The following PPARGC1A variants were observed in gnomAD, a reference collection of about 807,000 sequenced individuals.
PPARGC1A encodes peroxisome proliferator-activated receptor gamma coactivator 1-alpha.
In PPARGC1A, 25 loss-of-function variants were observed where a neutral mutation model predicts 88.7. The ratio of observed to expected loss-of-function variants is 0.28; its 90% CI spans 0.21 to 0.39. The LOEUF is 0.39. Among genes scored for constraint, PPARGC1A ranks in the 10% least tolerant of loss-of-function variants. PPARGC1A has a pLI of 1.00. For missense variants in PPARGC1A, 880 were observed against 968.7 expected (o/e 0.91, Z 1.22); for synonymous variants, 363 against 355.6 (o/e 1.02, Z -0.24).
chr4:24,133,186 C>A, the PPARGC1A span, among the ~76,000 whole-genome samples: 1 of 152,088 alleles, frequency 6.6e-6, no homozygotes, highest in Non-Finnish European at 1.5e-5. Context: ...GGTTTCCCCC[C>A]TGGGGGGTGG....
At chr4:24,471,756 G>T in the PPARGC1A span, among the ~76,000 whole-genome samples, 1 of 152,238 alleles carries the variant, frequency 6.6e-6, no homozygotes, top group African/African-American at 2.4e-5. The surrounding 1 kb of genome is among the most constrained non-coding windows in gnomAD (Gnocchi z 5.4). Context: ...AAAGTTAAGT[G>T]TGTTTGTGGG....
At chr4:23,932,373 A>G in the PPARGC1A span, among the ~76,000 whole-genome samples, 24 of 152,246 alleles carry the variant, frequency 1.6e-4, no homozygotes, top group African/African-American at 5.8e-4. Context: ...CTTCCATTCT[A>G]TAGATCGAAG....
the PPARGC1A span, among the ~76,000 whole-genome samples, chr4:24,087,673 G>C: frequency 6.6e-6 from 1 of 152,194 alleles, no homozygotes; most frequent in Admixed American, 6.5e-5. Context: ...ACAGCTCCCT[G>C]GTGGCATAAG....
the PPARGC1A span, among the ~76,000 whole-genome samples, chr4:24,047,666 C>T: frequency 0.88 from 133,912 of 152,196 alleles, 59,046 homozygotes; most frequent in South Asian, 0.94. Context: ...CACGAAGCAA[C>T]AAATGCTTAG....
the PPARGC1A span, among the ~76,000 whole-genome samples, chr4:24,294,187 A>G: frequency 2.0e-5 from 3 of 152,180 alleles, no homozygotes; most frequent in African/African-American, 7.2e-5. Flanking sequence ...GTTGCCCAGG[A>G]TGGAGATAAA....
chr4:24,075,644 C>T, the PPARGC1A span, among the ~76,000 whole-genome samples: 2 of 152,036 alleles, frequency 1.3e-5, no homozygotes, highest in African/African-American at 4.8e-5. Context: ...TTGCCATGCT[C>T]TTCTCATGAT....
the PPARGC1A span, among the ~76,000 whole-genome samples, chr4:24,427,023 A>G: frequency 6.6e-6 from 1 of 152,160 alleles, no homozygotes; most frequent in Non-Finnish European, 1.5e-5. Context: ...CAATATTCCC[A>G]TTCTGCAGAT....
the PPARGC1A span, among the ~76,000 whole-genome samples, chr4:24,010,983 A>G: frequency 6.6e-6 from 1 of 152,134 alleles, no homozygotes; most frequent in African/African-American, 2.4e-5. Context: ...CATCTGTTCA[A>G]CTACGATAAT....
At chr4:23,899,974 G>T (rs932518346), upstream of PPARGC1A, among the ~76,000 whole-genome samples, 4 of 150,262 alleles carry the variant, frequency 2.7e-5, no homozygotes, top group Middle Eastern at 3.4e-3. Context: ...AGAAATAAAT[G>T]TTTCTATACC....
chr4:23,994,958 A>C, the PPARGC1A span, among the ~76,000 whole-genome samples: 1 of 152,204 alleles, frequency 6.6e-6, no homozygotes, highest in East Asian at 1.9e-4. Context: ...AGGATTGCTG[A>C]GCAAAAGGAA....
chr4:23,987,719 C>T, the PPARGC1A span, among the ~76,000 whole-genome samples: 8 of 152,058 alleles, frequency 5.3e-5, no homozygotes, highest in East Asian at 1.9e-4. Context: ...AATTAGAAGC[C>T]GACGTTTATT....
the PPARGC1A span, among the ~76,000 whole-genome samples, chr4:24,250,213 C>T: frequency 1.5e-3 from 222 of 152,350 alleles, 1 homozygote; most frequent in African/African-American, 5.1e-3. Flanking sequence ...CTGTAATTAT[C>T]ACACCATTCC....
chr4:24,229,438 G>A, the PPARGC1A span, among the ~76,000 whole-genome samples: 34 of 149,922 alleles, frequency 2.3e-4, no homozygotes, highest in Non-Finnish European at 3.1e-4. Context: ...CATGAGCCAC[G>A]ATGCCCAGCC....
the PPARGC1A span, among the ~76,000 whole-genome samples, chr4:24,217,648 C>T: frequency 1.3e-5 from 2 of 152,016 alleles, no homozygotes; most frequent in East Asian, 1.9e-4. Flanking sequence ...CCTAAAAATA[C>T]AAAAATTAGC....
the PPARGC1A span, among the ~76,000 whole-genome samples, chr4:24,304,625 C>T: frequency 6.6e-6 from 1 of 152,288 alleles, no homozygotes; most frequent in South Asian, 2.1e-4. Context: ...CCAAATTCAA[C>T]CCTCCTGTGC....
the PPARGC1A span, among the ~76,000 whole-genome samples, chr4:23,913,267 T>TAGAGAGAG: frequency 2.6e-5 from 2 of 77,508 alleles, no homozygotes; most frequent in Non-Finnish European, 4.7e-5. Context: ...TATATATATA[T>TAGAGAGAG]AGAGAGAGAG....
chr4:23,905,951 C>T (rs1387524405), upstream of PPARGC1A, among the ~76,000 whole-genome samples: 1 of 152,110 alleles, frequency 6.6e-6, no homozygotes, highest in African/African-American at 2.4e-5. Flanking sequence ...TCATGTTCAG[C>T]AGGAAGATAA....
the PPARGC1A span, among the ~76,000 whole-genome samples, chr4:23,933,638 T>C: frequency 6.6e-6 from 1 of 152,244 alleles, no homozygotes. Context: ...CATTTTATTT[T>C]AGACAGCTTT....
At chr4:24,238,070 G>A in the PPARGC1A span, among the ~76,000 whole-genome samples, 3 of 152,102 alleles carry the variant, frequency 2.0e-5, no homozygotes, top group Admixed American at 6.6e-5. Context: ...GATAATAAGC[G>A]GCAGTCATGT....
Sources: allele counts gnomAD v4.1 joint callset (sites outside exome capture counted in the v4.1 genomes callset), GRCh38; gene constraint gnomAD v4.1.1; non-coding constraint Gnocchi (gnomAD v3.1); transcripts MANE v1.5; gene names NCBI Gene and HGNC (gene_info 2026-07-23, HGNC 2026-07-21).